The following DHX57 variants were observed in gnomAD, a reference collection of about 807,000 sequenced individuals.
DHX57 encodes the protein putative ATP-dependent RNA helicase DHX57.
Under a neutral mutation model 156.2 loss-of-function variants are expected in DHX57, and 105 were observed. The ratio of observed to expected loss-of-function variants is 0.67; its 90% CI spans 0.57 to 0.79. The LOEUF (loss-of-function observed/expected upper bound fraction) is 0.79. DHX57 is among the 30% of genes least tolerant of loss of function. The probability of loss-of-function intolerance (pLI) is 0.00; values close to 1 mark genes in which losing one functional copy is unlikely to be tolerated. For synonymous variants in DHX57, 704 were observed against 595.6 expected (o/e 1.18, Z -2.65); for missense variants, 1,847 against 1,661.9 (o/e 1.11, Z -1.94).
chr2:38,859,113 C>A (rs147715465), intron 5 of DHX57, among the ~76,000 whole-genome samples: 2 of 152,156 alleles, frequency 1.3e-5, no homozygotes. Context: ...AATCCCACAA[C>A]GTAAAACAAC....
intron 21 of DHX57, among the ~76,000 whole-genome samples, chr2:38,808,880 T>C (rs914602198): frequency 6.6e-6 from 1 of 152,092 alleles, no homozygotes; most frequent in African/African-American, 2.4e-5. Flanking sequence ...CACCTGGGCC[T>C]CCCAAAATGT....
Position 38,863,390 on chromosome 2 carries a change from C to T in DHX57, c.354G>A (p.Leu118=). Reference sequence around the variant, plus strand: ...ATCCAGCATCAGCATCTTGTTCTTGCAGGTCTCGGAGAAGAGCTTTCACTT... The same window carrying T: ...ATCCAGCATCAGCATCTTGTTCTTGTAGGTCTCGGAGAAGAGCTTTCACTT... ...QEKVKALLRD[L]QEQDADAGSE... is the part of the protein sequence containing the mutation. The change falls in exon 3 of 24, where the codon CTG becomes CTA. Residue 118 remains leucine, a synonymous_variant. Transcript: ENST00000457308. The T allele has an allele frequency of 6.2e-7, 1 of 1,612,740 alleles. No homozygotes were observed. Among genetic ancestry groups the T allele is most frequent in the Non-Finnish European group, 8.5e-7 (1 of 1,179,728 alleles).
At chr2:38,835,750 A>T (rs902700013) in intron 13 of DHX57, among the ~76,000 whole-genome samples, 2 of 152,208 alleles carry the variant, frequency 1.3e-5, no homozygotes, top group African/African-American at 4.8e-5. Context: ...TTATTGAAAA[A>T]GTGCGAAAGC....
At chr2:38,856,717 G>T in intron 6 of DHX57, 1 of 272,190 alleles carries the variant, frequency 3.7e-6, no homozygotes, top group Non-Finnish European at 6.8e-6. Context: ...GCCCAGGCTG[G>T]CCTCAAACTC....
rs773431249 is a variant in DHX57, at chr2:38,848,392, G to A, written c.2041C>T (p.Leu681=). 17 of 1,593,248 alleles carry A rather than the reference G, an allele frequency of 1.1e-5. No individual in the cohort carries two copies. The highest frequency in any genetic ancestry group is 1.4e-5 in the Non-Finnish European group (17 of 1,172,870). ...GATACAATGTCCTTCAAAACTAGCA[G>A]CAAGAAGTCACTAGAGAAAATAAAA... ...HERTEESDFL[L]LVLKDIVSQR... Residue 681 remains leucine, a synonymous_variant, in exon 10 of 24, where the codon CTG becomes TTG. Transcript: ENST00000457308.
intron 12 of DHX57, among the ~76,000 whole-genome samples, chr2:38,840,079 G>A (rs1441897273): frequency 6.6e-6 from 1 of 151,872 alleles, no homozygotes; most frequent in Non-Finnish European, 1.5e-5. Flanking sequence ...CTGAGTAGCA[G>A]GGACTATAGG....
At chr2:38,857,459 C>A (rs1424609282) in intron 6 of DHX57, among the ~76,000 whole-genome samples, 1 of 152,186 alleles carries the variant, frequency 6.6e-6, no homozygotes, top group African/African-American at 2.4e-5. Flanking sequence ...ATAATTTTAT[C>A]ATAAACTTAT....
chr2:38,829,704 C>T (rs775749588), intron 13 of DHX57, among the ~76,000 whole-genome samples: 5 of 152,142 alleles, frequency 3.3e-5, no homozygotes, highest in Non-Finnish European at 7.4e-5. Context: ...CAGGCATGCA[C>T]CACCACACCT....
At chr2:38,799,789 C>T (rs1180454053) in intron 23 of DHX57, among the ~76,000 whole-genome samples, 2 of 147,386 alleles carry the variant, frequency 1.4e-5, no homozygotes, top group Non-Finnish European at 3.0e-5. Flanking sequence ...GGCTCAGTGG[C>T]TCACGCCTGT....
At position 38,825,952 on chromosome 2, in the gene DHX57, G is replaced by C. The variant is rs771116019; in HGVS notation, c.2909C>G (p.Ser970Cys). The change falls in exon 16 of 24, where the codon TCT becomes TGT. Residue 970 changes from serine (S) to cysteine (C), a missense_variant. Coordinates refer to ENST00000457308, the MANE Select transcript of DHX57 (RefSeq NM_198963.3). ...AGTGAATAAATGGAAGCAGACCCCAGATGCAACACGGCCTGCTCGGCCTTT... is the reference window on the plus strand; with the variant it reads ...AGTGAATAAATGGAAGCAGACCCCACATGCAACACGGCCTGCTCGGCCTTT... ...QRKGRAGRVA[S>C]GVCFHLFTSH... The C allele has an allele frequency of 6.2e-7, 1 of 1,614,178 alleles. No homozygotes were observed. The highest frequency in any genetic ancestry group is 1.3e-5 in the African/African-American group (1 of 75,042).
At chr2:38,819,403 T>G (rs1463170940) in intron 17 of DHX57, among the ~76,000 whole-genome samples, 1 of 152,228 alleles carries the variant, frequency 6.6e-6, no homozygotes, top group Non-Finnish European at 1.5e-5. Context: ...CTTGAACTCC[T>G]GGGCTCAGGC....
At chr2:38,871,617 G>A (rs72797391) in intron 1 of DHX57, among the ~76,000 whole-genome samples, 6,359 of 152,098 alleles carry the variant, frequency 0.042, 192 homozygotes, top group Non-Finnish European at 0.06. Flanking sequence ...TGGCATCTGC[G>A]TAGTGTCATC....
At chr2:38,800,316 T>C (rs752320834) in intron 23 of DHX57, among the ~76,000 whole-genome samples, 4 of 151,492 alleles carry the variant, frequency 2.6e-5, no homozygotes, top group Admixed American at 1.3e-4. Flanking sequence ...ATTGCGCCAC[T>C]GCACTCCAGC....
intron 12 of DHX57, 121 bp from the exon 13 acceptor site, chr2:38,838,068 A>G: frequency 1.5e-6 from 1 of 682,888 alleles, no homozygotes; most frequent in Admixed American, 2.4e-5. Context: ...AATAGCACAG[A>G]TATTAACATT....
intron 22 of DHX57, among the ~76,000 whole-genome samples, chr2:38,805,420 C>A (rs1173285295): frequency 1.3e-5 from 2 of 152,122 alleles, no homozygotes; most frequent in East Asian, 3.8e-4. Context: ...AAGGAATTGA[C>A]ATAGTCTAAT....
intron 21 of DHX57, among the ~76,000 whole-genome samples, chr2:38,809,876 A>C (rs557516975): frequency 1.0e-3 from 159 of 152,112 alleles, no homozygotes; most frequent in Non-Finnish European, 1.9e-3. Flanking sequence ...AGGTTCTATT[A>C]GATCTTTTAT....
rs143894397 is a variant in DHX57, at chr2:38,868,359, C to A, written c.47G>T (p.Gly16Val). ...TCTTCCTCCTCTAGAAGACCCTTTT[C>A]CACCTCCTTTGCCTGGCTTGCCTTT... is the stretch of plus-strand genomic sequence containing the variant. ...RRKGKPGKGG[G>V]KGSSRGGRGG... Residue 16 changes from glycine (G) to valine (V), a missense_variant, in exon 2 of 24, where the codon GGA becomes GTA. Physicochemically the swap from Gly to Val is moderately radical, Grantham distance 109. Coordinates refer to ENST00000457308, the MANE Select transcript of DHX57 (RefSeq NM_198963.3). 9.5e-5 allele frequency: 153 copies of A among 1,612,478 alleles called. 1 individual carries two copies. The highest frequency in any genetic ancestry group is 1.2e-4 in the Non-Finnish European group (147 of 1,179,342).
chr2:38,862,130 G>T lies in DHX57; in HGVS notation c.572+15C>A. ...GAATTCTTTCCCAACTCCCATAAAT[G>T]ATCAAAGCAATCACCTGGAAAGTTT... On this transcript the variant is annotated intron_variant, in intron 4 of 23. Coordinates refer to ENST00000457308, the MANE Select transcript of DHX57 (RefSeq NM_198963.3). The T allele has an allele frequency of 6.3e-7, 1 of 1,580,514 alleles. No individual in the cohort carries two copies. Among genetic ancestry groups the T allele is most frequent in the South Asian group, 1.1e-5 (1 of 87,064 alleles).
intron 6 of DHX57, chr2:38,857,208 C>T (rs894248541): frequency 7.8e-5 from 12 of 153,350 alleles, no homozygotes; most frequent in African/African-American, 2.9e-4. Flanking sequence ...TTAATATAAA[C>T]AGCCAAACAT....
Sources: gnomAD v4.1 joint callset for allele counts (sites outside exome capture counted in the v4.1 genomes callset) on GRCh38, gnomAD v4.1.1 for gene constraint, MANE v1.5 for transcripts, NCBI Gene and HGNC (gene_info 2026-07-23, HGNC 2026-07-21) for gene names.